The following MYO10 variants were observed in gnomAD, a reference collection of about 807,000 sequenced individuals.
MYO10 encodes unconventional myosin-X.
MYO10 carries 133 observed loss-of-function variants against 257.3 expected under a neutral mutation model. The ratio of observed to expected loss-of-function variants is 0.52; its 90% CI spans 0.45 to 0.60. The LOEUF (loss-of-function observed/expected upper bound fraction) is 0.60, where lower values mean the gene tolerates loss of function less well. Ranked by LOEUF, MYO10 falls within the 20% of genes least tolerant of loss-of-function variation. The pLI is 0.00. For synonymous variants in MYO10, 1,104 were observed against 1,028.6 expected (o/e 1.07, Z -1.40); for missense variants, 2,399 against 2,635.7 (o/e 0.91, Z 1.97).
At chr5:16,717,920 C>A (rs1245240634) in intron 19 of MYO10, among the ~76,000 whole-genome samples, 1 of 152,202 alleles carries the variant, frequency 6.6e-6, no homozygotes, top group Non-Finnish European at 1.5e-5. Context: ...AAGGCTGGAG[C>A]CCACTCCCTC....
chr5:16,681,169 A>G, intron 32 of MYO10, 140 bp downstream of exon 32: 1 of 878,314 alleles, frequency 1.1e-6, no homozygotes, highest in East Asian at 2.7e-5. Context: ...AACCCCAGAC[A>G]GGCTTAGAAG....
At chr5:16,933,857 T>C (rs1746362064) in intron 1 of MYO10, among the ~76,000 whole-genome samples, 1 of 152,192 alleles carries the variant, frequency 6.6e-6, no homozygotes, top group Non-Finnish European at 1.5e-5. Context: ...AATATTGTAA[T>C]ACACATACAT....
chr5:16,696,236 G>C (rs935461937), intron 26 of MYO10, among the ~76,000 whole-genome samples: 3 of 151,996 alleles, frequency 2.0e-5, no homozygotes, highest in African/African-American at 7.2e-5. Flanking sequence ...GCCCTCTCTT[G>C]ATAATTCATC....
At chr5:16,908,353 C>A (rs1454084450) in intron 1 of MYO10, among the ~76,000 whole-genome samples, 1 of 151,994 alleles carries the variant, frequency 6.6e-6, no homozygotes, top group Non-Finnish European at 1.5e-5. Flanking sequence ...TATGGTGAAA[C>A]CTGGTCTCTA....
rs867430731 is a variant in MYO10 at position 16,758,296 on chromosome 5, T to G, written c.1740-70A>C. The G allele has an allele frequency of 2.5e-5, 26 of 1,041,876 alleles. No homozygotes were observed. In the Middle Eastern group the frequency reaches 3.1e-3, roughly 122 times the overall value. 64.5% of individuals were successfully genotyped at this position (1,041,876 alleles called of 1,614,324 possible). A position where few individuals can be genotyped will look rare whatever the true frequency, so the allele number is the denominator to read the frequency against. On this transcript the variant is annotated intron_variant, in intron 17 of 40. Coordinates refer to ENST00000513610, the MANE Select transcript of MYO10 (RefSeq NM_012334.3). ...TTATTAGGTGCAAGATTATTGTAAT[T>G]AATGGTGCCCTTTCTCAATGATAAT...
chr5:16,681,904 TGTCC>T lies in MYO10; in HGVS notation c.4152_4155del (p.Asp1385ProfsTer10). On this transcript the variant is annotated frameshift_variant, in exon 31 of 41. Transcript: ENST00000513610. LOFTEE classifies it high-confidence loss of function. ...ATGAATTCCTGGCCCTCCACTCTGGTGTCCCCTTTGGACCTCTGCAGCAGGGTTA... is the reference window on the plus strand; with the variant it reads ...ATGAATTCCTGGCCCTCCACTCTGGTCCTTTGGACCTCTGCAGCAGGGTTA... 1.2e-6 allele frequency: 2 copies of T among 1,613,998 alleles called. No homozygotes were observed. The highest frequency in any genetic ancestry group is 1.7e-6 in the Non-Finnish European group (2 of 1,179,884).
At chr5:16,725,078 CTTTTTTTTTTTTT>C (rs34100971) in intron 19 of MYO10, among the ~76,000 whole-genome samples, 30 of 74,940 alleles carry the variant, frequency 4.0e-4, no homozygotes, top group African/African-American at 1.3e-3. Context: ...CCTTCTTCTT[CTTTTTTTTTTTTT>C]TTTTTTTTTT....
chr5:16,816,868 G>T (rs754192659), intron 3 of MYO10, among the ~76,000 whole-genome samples: 1 of 149,190 alleles, frequency 6.7e-6, no homozygotes, highest in East Asian at 2.0e-4. Flanking sequence ...CACCCAGGCC[G>T]GAGTGCAGTG....
chr5:16,828,473 A>T (rs1468277128), intron 2 of MYO10, among the ~76,000 whole-genome samples: 1 of 152,040 alleles, frequency 6.6e-6, no homozygotes, highest in Non-Finnish European at 1.5e-5. Context: ...AACAAAAGTT[A>T]GCAGGGCACA....
At chr5:16,778,937 G>T (rs1282241697) in intron 9 of MYO10, among the ~76,000 whole-genome samples, 1 of 152,006 alleles carries the variant, frequency 6.6e-6, no homozygotes, top group Non-Finnish European at 1.5e-5. Context: ...TGATCTGCCC[G>T]CCTTGGCCTC....
chr5:16,767,480 T>C (rs1051452699), intron 10 of MYO10, among the ~76,000 whole-genome samples: 2 of 152,124 alleles, frequency 1.3e-5, no homozygotes, highest in Admixed American at 6.6e-5. Context: ...AGCCCCCAAC[T>C]GTCTTTCAAT....
At chr5:16,805,458 CAAAAAAAAAAA>C (rs36126574) in intron 3 of MYO10, among the ~76,000 whole-genome samples, 2 of 78,346 alleles carry the variant, frequency 2.6e-5, no homozygotes, top group African/African-American at 5.0e-5. Flanking sequence ...GACTCCATCT[CAAAAAAAAAAA>C]AAAAAAAAAA....
intron 19 of MYO10, among the ~76,000 whole-genome samples, chr5:16,749,013 G>C (rs1579946678): frequency 6.6e-6 from 1 of 152,102 alleles, no homozygotes; most frequent in African/African-American, 2.4e-5. Context: ...GGGGCTCCAA[G>C]ATCGACAGCC....
chr5:16,690,858 C>A (rs1250348187), intron 27 of MYO10, among the ~76,000 whole-genome samples: 1 of 151,972 alleles, frequency 6.6e-6, no homozygotes, highest in Admixed American at 6.6e-5. Context: ...ATTGGTGAAC[C>A]AGGTTAACAA....
intron 30 of MYO10, among the ~76,000 whole-genome samples, chr5:16,683,094 A>T (rs939495491): frequency 6.6e-6 from 1 of 152,182 alleles, no homozygotes; most frequent in African/African-American, 2.4e-5. Context: ...CATGGTTCAG[A>T]AGGGCTCTTG....
intron 19 of MYO10, among the ~76,000 whole-genome samples, chr5:16,748,886 A>C (rs1433256725): frequency 1.3e-5 from 2 of 151,690 alleles, no homozygotes; most frequent in African/African-American, 4.9e-5. Flanking sequence ...ACAGGTCATC[A>C]GGACTCATTT....
chr5:16,741,551 A>G (rs1171838737), intron 19 of MYO10, among the ~76,000 whole-genome samples: 1 of 152,234 alleles, frequency 6.6e-6, no homozygotes, highest in African/African-American at 2.4e-5. Context: ...GGTGAATTCC[A>G]TATGAAAATA....
At chr5:16,671,860 T>G (rs919120278) in intron 37 of MYO10, among the ~76,000 whole-genome samples, 2 of 152,238 alleles carry the variant, frequency 1.3e-5, no homozygotes, top group Non-Finnish European at 2.9e-5. Context: ...GCCTGTTTCT[T>G]TATTACCTTT....
chr5:16,931,475 G>A (rs1205194780), intron 1 of MYO10, among the ~76,000 whole-genome samples: 1 of 152,048 alleles, frequency 6.6e-6, no homozygotes, highest in Non-Finnish European at 1.5e-5. Context: ...CTTGTTCCTG[G>A]TTTGTGCTTG....
Sources: gnomAD v4.1 joint callset for allele counts (sites outside exome capture counted in the v4.1 genomes callset) on GRCh38, gnomAD v4.1.1 for gene constraint, MANE v1.5 for transcripts, NCBI Gene and HGNC (gene_info 2026-07-23, HGNC 2026-07-21) for gene names.